The following HMGCLL1 variants were observed in gnomAD, a reference collection of about 807,000 sequenced individuals.
HMGCLL1 encodes 3-hydroxy-3-methylglutaryl-CoA lyase like 1.
In HMGCLL1, 36 loss-of-function variants were observed where a neutral mutation model predicts 39.1. That is an observed-to-expected ratio of 0.92 (90% CI 0.71 to 1.22). The LOEUF is 1.22. Among genes scored for constraint, HMGCLL1 ranks in the 50% most tolerant of loss-of-function variants. HMGCLL1 has a pLI of 0.00. For synonymous variants in HMGCLL1, 149 were observed against 144.0 expected, an observed-to-expected ratio of 1.03 and a Z score of -0.25; for missense variants, 451 against 416.5, an observed-to-expected ratio of 1.08 and a Z score of -0.72.
intron 1 of HMGCLL1, among the ~76,000 whole-genome samples, chr6:55,562,145 G>A (rs903289278): frequency 1.6e-4 from 25 of 152,124 alleles, no homozygotes; most frequent in African/African-American, 6.0e-4. Flanking sequence ...TCCTGAGATT[G>A]TAGGATGAAA....
the HMGCLL1 span, among the ~76,000 whole-genome samples, chr6:55,620,162 T>C: frequency 6.6e-6 from 1 of 152,098 alleles, no homozygotes; most frequent in Non-Finnish European, 1.5e-5. Context: ...GTACAGATAT[T>C]CCCATGTTTG....
intron 7 of HMGCLL1, among the ~76,000 whole-genome samples, chr6:55,459,163 A>G (rs1436756664): frequency 2.0e-5 from 3 of 152,130 alleles, no homozygotes; most frequent in East Asian, 1.9e-4. Flanking sequence ...AAATCATGCA[A>G]TCAGCCAACA....
intron 3 of HMGCLL1, among the ~76,000 whole-genome samples, chr6:55,522,741 T>C (rs1262726295): frequency 6.6e-6 from 1 of 152,040 alleles, no homozygotes; most frequent in African/African-American, 2.4e-5. Context: ...TATTTTAACT[T>C]AATGAGAGAT....
At chr6:55,634,347 G>A in the HMGCLL1 span, among the ~76,000 whole-genome samples, 2 of 151,904 alleles carry the variant, frequency 1.3e-5, no homozygotes, top group Non-Finnish European at 2.9e-5. Flanking sequence ...GAACAGGAAA[G>A]AAAGATCTGA....
the HMGCLL1 span, among the ~76,000 whole-genome samples, chr6:55,662,366 C>A: frequency 6.6e-6 from 1 of 151,616 alleles, no homozygotes; most frequent in Admixed American, 6.6e-5. Flanking sequence ...TCCTTCAATG[C>A]TAGTTTACCA....
intron 3 of HMGCLL1, among the ~76,000 whole-genome samples, chr6:55,530,363 T>C (rs941592648): frequency 4.6e-5 from 7 of 151,566 alleles, no homozygotes; most frequent in African/African-American, 1.7e-4. Context: ...ATTTATAAAA[T>C]AAATAGCATT....
the HMGCLL1 span, among the ~76,000 whole-genome samples, chr6:55,616,858 T>C: frequency 6.6e-6 from 1 of 151,740 alleles, no homozygotes; most frequent in African/African-American, 2.4e-5. Context: ...TTTTGCTATA[T>C]AACAAAAAAA....
chr6:55,499,196 C>G (rs376155926), intron 6 of HMGCLL1, 40 bp downstream of exon 6: 40 of 1,479,646 alleles, frequency 2.7e-5, no homozygotes, highest in Non-Finnish European at 3.4e-5. Context: ...TAATATATAT[C>G]ATGTTACCAT....
the HMGCLL1 span, among the ~76,000 whole-genome samples, chr6:55,609,794 C>G: frequency 6.6e-6 from 1 of 152,086 alleles, no homozygotes; most frequent in African/African-American, 2.4e-5. Flanking sequence ...TGTCGGTGCC[C>G]CTTGAGGTCA....
intron 7 of HMGCLL1, among the ~76,000 whole-genome samples, chr6:55,460,396 A>G (rs111273178): frequency 6.2e-4 from 95 of 152,106 alleles, no homozygotes; most frequent in Middle Eastern, 3.4e-3. Context: ...ATTACTAGAG[A>G]CAAATGACAG....
At chr6:55,673,737 C>G in the HMGCLL1 span, among the ~76,000 whole-genome samples, 1 of 151,848 alleles carries the variant, frequency 6.6e-6, no homozygotes, top group Non-Finnish European at 1.5e-5. Context: ...ATAATTGCAA[C>G]ACTAGTATTA....
intron 6 of HMGCLL1, among the ~76,000 whole-genome samples, chr6:55,498,834 C>T (rs184343168): frequency 1.4e-3 from 219 of 152,080 alleles, no homozygotes; most frequent in East Asian, 6.6e-3. Flanking sequence ...TCTGATATAA[C>T]GGGCCAAAGT....
rs1471000188 is a variant in HMGCLL1 at position 55,550,723 on chromosome 6, T to C, written c.109-8583A>G. 1.3e-5 allele frequency among the ~76,000 whole-genome samples: 2 copies of C among 151,788 alleles called. 1 individual carries two copies. Among genetic ancestry groups the C allele is most frequent in the Admixed American group, 1.3e-4 (2 of 15,230 alleles). ...GCTACTCCCTGGCAACCTGCAGCAG[T>C]GTAATTATTAACATATTCACTCGTT... is the stretch of plus-strand genomic sequence containing the variant. On this transcript the variant is annotated intron_variant, in intron 1 of 8. Coordinates refer to ENST00000274901, the MANE Select transcript of HMGCLL1 (RefSeq NM_001042406.2).
upstream of HMGCLL1, among the ~76,000 whole-genome samples, chr6:55,580,667 G>A (rs909581777): frequency 5.9e-5 from 9 of 151,994 alleles, 1 homozygote; most frequent in African/African-American, 9.6e-5. Flanking sequence ...TGACCTCCTC[G>A]GCCTCCCAAA....
chr6:55,452,383 C>A (rs1188609943), intron 7 of HMGCLL1, among the ~76,000 whole-genome samples: 2 of 151,988 alleles, frequency 1.3e-5, no homozygotes, highest in African/African-American at 4.8e-5. Flanking sequence ...GAACTGTGGA[C>A]CAGTAACTTT....
chr6:55,494,472 C>A (rs1265948873), intron 7 of HMGCLL1, among the ~76,000 whole-genome samples: 1 of 152,118 alleles, frequency 6.6e-6, no homozygotes, highest in African/African-American at 2.4e-5. Flanking sequence ...CATGGAATAA[C>A]ATTTTCTTTT....
chr6:55,530,140 G>A lies in HMGCLL1; in HGVS notation c.297+11589C>T, dbSNP rs1018252278. Reference sequence around the variant, plus strand: ...ATATATTTCTTACTACGTATTATAAGCAGAATTCAATACAAGATGCATCCA... The same window carrying A: ...ATATATTTCTTACTACGTATTATAAACAGAATTCAATACAAGATGCATCCA... On this transcript the variant is annotated intron_variant, in intron 3 of 8. Transcript: ENST00000274901. 1.1e-4 allele frequency among the ~76,000 whole-genome samples: 16 copies of A among 152,132 alleles called. 1 individual carries two copies. The South Asian group carries it at 3.1e-3, about 30-fold the overall frequency.
the HMGCLL1 span, among the ~76,000 whole-genome samples, chr6:55,621,177 G>T: frequency 6.6e-6 from 1 of 152,116 alleles, no homozygotes; most frequent in Non-Finnish European, 1.5e-5. Context: ...TTGGTCTTTT[G>T]ATAGAGATTG....
At chr6:55,531,500 GT>G (rs550226021) in intron 3 of HMGCLL1, among the ~76,000 whole-genome samples, 5 of 152,066 alleles carry the variant, frequency 3.3e-5, no homozygotes, top group East Asian at 1.9e-4. Flanking sequence ...GCTTTGAAAG[GT>G]TTTTTTCTCT....
Sources: gnomAD v4.1 joint callset for allele counts (sites outside exome capture counted in the v4.1 genomes callset) on GRCh38, gnomAD v4.1.1 for gene constraint, MANE v1.5 for transcripts, NCBI Gene and HGNC (gene_info 2026-07-23, HGNC 2026-07-21) for gene names.